FAT1: variants seen among roughly 807,000 people sequenced by gnomAD.
FAT1 encodes FAT atypical cadherin 1, also known as protocadherin Fat 1.
FAT1 carries 171 observed loss-of-function variants against 329.8 expected under a neutral mutation model. That is an observed-to-expected ratio of 0.52 (90% CI 0.46 to 0.59). The LOEUF is 0.59. FAT1 is among the 20% of genes least tolerant of loss of function. The pLI is 0.00. For missense variants in FAT1, 5,672 were observed against 5,774.4 expected (o/e 0.98, Z 0.57); for synonymous variants, 2,233 against 2,228.6 (o/e 1.00, Z -0.06).
At chr4:186,663,794 A>G (rs1742301832) in intron 2 of FAT1, among the ~76,000 whole-genome samples, 181 bp from the exon 3 acceptor site, 1 of 152,182 alleles carries the variant, frequency 6.6e-6, no homozygotes, top group South Asian at 2.1e-4. Context: ...TAGAGACAAT[A>G]ATAGTATATT....
intron 2 of FAT1, among the ~76,000 whole-genome samples, chr4:186,677,712 T>A: frequency 6.6e-6 from 1 of 152,078 alleles, no homozygotes; most frequent in East Asian, 1.9e-4. Flanking sequence ...GGCAGACAAA[T>A]GAAGTATTTA....
chr4:186,684,793 C>T (rs757409790), intron 2 of FAT1, among the ~76,000 whole-genome samples: 20 of 151,962 alleles, frequency 1.3e-4, no homozygotes, highest in Non-Finnish European at 2.2e-4. Context: ...TAAACAAAAA[C>T]GGTCACCTCT....
intron 1 of FAT1, among the ~76,000 whole-genome samples, chr4:186,720,240 C>A (rs1160596744): frequency 6.6e-6 from 1 of 152,224 alleles, no homozygotes. Flanking sequence ...CCACTCCTCA[C>A]ATACAGCTTA....
chr4:186,725,816 CAA>C (rs1745700440), upstream of FAT1, among the ~76,000 whole-genome samples: 1 of 152,182 alleles, frequency 6.6e-6, no homozygotes, highest in African/African-American at 2.4e-5. The surrounding 1 kb of genome is among the most constrained non-coding windows in gnomAD (Gnocchi z 5.4). Flanking sequence ...GTTCCAGAAA[CAA>C]AACGCTTTCC....
intron 14 of FAT1, among the ~76,000 whole-genome samples, chr4:186,610,882 G>T (rs1013831725): frequency 2.6e-5 from 4 of 151,566 alleles, no homozygotes; most frequent in Admixed American, 6.6e-5. Context: ...TGAGCTTGTT[G>T]GCGGTCTTTC....
chr4:186,588,970 G>C lies in FAT1; in HGVS notation c.13389C>G (p.His4463Gln), dbSNP rs991783558. 1 of 1,613,996 alleles carries C rather than the reference G, an allele frequency of 6.2e-7. No individual in the cohort carries two copies. The highest frequency in any genetic ancestry group is 8.5e-7 in the Non-Finnish European group (1 of 1,179,876). ...CCGCGGCAGGCATGTCTCTAGGAGGGTGGATGGATTCAAACTGATTGCTGA... is the reference window on the plus strand; with the variant it reads ...CCGCGGCAGGCATGTCTCTAGGAGGCTGGATGGATTCAAACTGATTGCTGA... ...PEFSNQFESI[H>Q]PPRDMPAAGS... The change falls in exon 27 of 27, where the codon CAC becomes CAG. Residue 4463 changes from histidine to glutamine, a missense_variant. By Grantham distance (24) the His-to-Gln change is conservative. Transcript: ENST00000441802.
chr4:186,707,590 A>G lies in FAT1; in HGVS notation c.2238T>C (p.Thr746=), dbSNP rs1195122004. Residue 746 remains threonine, a synonymous_variant, in exon 2 of 27, where the codon ACT becomes ACC. Coordinates refer to ENST00000441802, the MANE Select transcript of FAT1 (RefSeq NM_005245.4). ...VIFMNSTDLD[T]GFNGKLVYAV... is the part of the protein sequence containing the mutation. ...CATAGACCAGTTTTCCATTGAAGCC[A>G]GTGTCAAGGTCAGTGGAGTTCATGA... The G allele has an allele frequency of 2.5e-6, 4 of 1,614,040 alleles. No homozygotes were observed. The highest frequency in any genetic ancestry group is 3.4e-6 in the Non-Finnish European group (4 of 1,179,894).
chr4:186,642,259 C>G (rs758712026), intron 3 of FAT1, among the ~76,000 whole-genome samples: 1 of 152,120 alleles, frequency 6.6e-6, no homozygotes, highest in African/African-American at 2.4e-5. Flanking sequence ...CAGGGCCTGG[C>G]GTGGGTTCCT....
rs1389840752 is a variant in FAT1 at position 186,639,781 on chromosome 4, G to C, written c.3583C>G (p.Leu1195Val). The C allele has an allele frequency of 1.2e-6, 2 of 1,611,004 alleles. No homozygotes were observed. The highest frequency in any genetic ancestry group is 2.7e-5 in the African/African-American group (2 of 74,742). Residue 1195 changes from leucine (L) to valine (V), a missense_variant and splice_region_variant, in exon 4 of 27, where the codon CTC (leucine) becomes GTC (valine). Physicochemically the swap from Leu to Val is conservative, Grantham distance 32. This residue lies in a region of FAT1 where 3,966 missense variants were observed against 3,915.2 expected (regional missense o/e 1.01). Coordinates refer to ENST00000441802, the MANE Select transcript of FAT1 (RefSeq NM_005245.4). ...AGCTTCCTTGACGTAGTTGTGATGA[G>C]ACCTGTAAAATGATAACAGTTCATT... ...GFFSIHPKTG[L>V]ITTTSRKLDR...
At chr4:186,710,606 C>G (rs1744903928) in intron 1 of FAT1, among the ~76,000 whole-genome samples, 1 of 152,138 alleles carries the variant, frequency 6.6e-6, no homozygotes, top group African/African-American at 2.4e-5. Context: ...CATTTTTCCT[C>G]TCTAAGTCAG....
chr4:186,596,632 C>G lies in FAT1; in HGVS notation c.12908G>C (p.Ser4303Thr), dbSNP rs2126387483. 1 of 1,610,392 alleles carries G rather than the reference C, an allele frequency of 6.2e-7. No individual in the cohort carries two copies. The highest frequency in any genetic ancestry group is 8.5e-7 in the Non-Finnish European group (1 of 1,178,208). The change falls in exon 25 of 27, where the codon AGC becomes ACC. Residue 4303 changes from serine to threonine, a missense_variant. Ser to Thr is a moderately conservative substitution (Grantham distance 58). Transcript: ENST00000441802. This position sits in a 1 kb window ranked among gnomAD's most constrained non-coding sequence, Gnocchi z 4.7. ...TGGGGGAGGCAGGTTTGGCGCCACG[C>G]TGCAGACCGCCACTGCTTTTCGGTG... is the stretch of plus-strand genomic sequence containing the variant. ...HGHRKAVAVC[S>T]VAPNLPPPPP...
intron 3 of FAT1, 75 bp from the exon 4 acceptor site, chr4:186,639,858 C>G (rs1376965151): frequency 1.6e-6 from 2 of 1,275,866 alleles, no homozygotes; most frequent in Non-Finnish European, 2.3e-6. Context: ...AAATCACACT[C>G]TTGGCCAGGT....
rs763316441 is a variant in FAT1, at chr4:186,619,891, T to C, written c.6695A>G (p.Asn2232Ser). ...DPFSQFTINF[N>S]TGVINVIAPL... ...AGCTATGACATTGATAACTCCAGTA[T>C]TGAAGTTAATAGTGAACTGGCTGAA... Residue 2232 changes from asparagine (N) to serine (S), a missense_variant, in exon 10 of 27, where the codon AAT (asparagine) becomes AGT (serine). Around this residue, in one of 2 missense-constraint regions of FAT1, gnomAD observed 3,966 missense variants for 3,915.2 expected, o/e 1.01. Coordinates refer to ENST00000441802, the MANE Select transcript of FAT1 (RefSeq NM_005245.4). The C allele has an allele frequency of 8.1e-6, 13 of 1,613,866 alleles. No individual in the cohort carries two copies. The highest frequency in any genetic ancestry group is 2.2e-5 in the East Asian group (1 of 44,894).
chr4:186,618,460 G>C lies in FAT1; in HGVS notation c.8126C>G (p.Thr2709Ser), dbSNP rs1029810999. 1.9e-6 allele frequency: 3 copies of C among 1,613,908 alleles called. No homozygotes were observed. The Admixed American group carries it at 5.0e-5, about 27-fold the overall frequency. The change falls in exon 10 of 27, where the codon ACC (threonine) becomes AGC (serine). Residue 2709 changes from threonine (T) to serine (S), a missense_variant. Thr to Ser is a moderately conservative substitution (Grantham distance 58). Transcript: ENST00000441802. Reference sequence around the variant, plus strand: ...AGGCACGTCCTCTGACACTGTAAAGGTATAGAAAGGTTCTGAAAATTTTGG... The same window carrying C: ...AGGCACGTCCTCTGACACTGTAAAGCTATAGAAAGGTTCTGAAAATTTTGG... The part of the protein sequence containing the change: ...QLPKFSEPFY[T>S]FTVSEDVPIG...
intron 1 of FAT1, among the ~76,000 whole-genome samples, chr4:186,715,768 G>A (rs78574797): frequency 0.021 from 3,158 of 152,238 alleles, 65 homozygotes; most frequent in South Asian, 0.039. Context: ...TGCATTTTCC[G>A]AAGCCAAAAC....
chr4:186,725,885 G>A (rs1456652821), upstream of FAT1, among the ~76,000 whole-genome samples: 1 of 152,180 alleles, frequency 6.6e-6, no homozygotes, highest in African/African-American at 2.4e-5. This position sits in a 1 kb window ranked among gnomAD's most constrained non-coding sequence, Gnocchi z 5.4. Context: ...CTCATATAAA[G>A]AATGGGCCCG....
intron 2 of FAT1, among the ~76,000 whole-genome samples, chr4:186,695,618 G>GCCTA (rs1483108232): frequency 6.6e-6 from 1 of 152,112 alleles, no homozygotes; most frequent in African/African-American, 2.4e-5. Flanking sequence ...TTGGCTGGAT[G>GCCTA]CCTAGATGCC....
intron 4 of FAT1, among the ~76,000 whole-genome samples, chr4:186,637,189 C>T (rs185254143): frequency 2.0e-5 from 3 of 152,198 alleles, no homozygotes; most frequent in Admixed American, 1.3e-4. Flanking sequence ...GCTCTCTTCT[C>T]GCATTAGTTT....
chr4:186,677,568 G>A (rs549386333), intron 2 of FAT1, among the ~76,000 whole-genome samples: 1 of 151,622 alleles, frequency 6.6e-6, no homozygotes, highest in East Asian at 1.9e-4. Context: ...AATCACAAAA[G>A]AGGGCACACC....
Sources: allele counts gnomAD v4.1 joint callset (sites outside exome capture counted in the v4.1 genomes callset), GRCh38; gene constraint gnomAD v4.1.1; regional missense constraint gnomAD v4.1.1; non-coding constraint Gnocchi (gnomAD v3.1); transcripts MANE v1.5; gene names NCBI Gene and HGNC (gene_info 2026-07-23, HGNC 2026-07-21).